Variants in NKAIN4 observed in about 807,000 individuals in gnomAD.
NKAIN4 encodes sodium/potassium-transporting ATPase subunit beta-1-interacting protein 4.
A neutral mutation model predicts 28.8 loss-of-function variants in NKAIN4; 28 were observed. The observed-to-expected ratio is 0.97, with a 90% CI of 0.72 to 1.33. NKAIN4 has a LOEUF of 1.33. Ranked by LOEUF, NKAIN4 falls within the 40% of genes most tolerant of loss-of-function variation. The pLI is 0.00. For synonymous variants in NKAIN4, 122 were observed against 115.6 expected, an observed-to-expected ratio of 1.06 and a Z score of -0.36; for missense variants, 289 against 277.2, an observed-to-expected ratio of 1.04 and a Z score of -0.30.
intron 1 of NKAIN4, 162 bp downstream of exon 1, chr20:63,254,235 C>T: frequency 1.8e-6 from 1 of 549,458 alleles, no homozygotes; most frequent in Non-Finnish European, 2.8e-6. Flanking sequence ...CAGGCGACGC[C>T]ACCTTCGGCC....
chr20:63,248,926 G>T, intron 2 of NKAIN4, 31 bp from the exon 3 acceptor site: 1 of 1,476,462 alleles, frequency 6.8e-7, no homozygotes, highest in Non-Finnish European at 9.5e-7. Flanking sequence ...GGCGGCAGCT[G>T]AACACAGCTC....
intron 3 of NKAIN4, 90 bp from the exon 4 acceptor site, chr20:63,247,865 G>T: frequency 2.9e-6 from 4 of 1,391,782 alleles, no homozygotes; most frequent in Non-Finnish European, 3.7e-6. Flanking sequence ...ACCACACCGA[G>T]GCAAGGGGAG....
intron 6 of NKAIN4, 64 bp downstream of exon 6, chr20:63,242,475 C>T: frequency 8.6e-7 from 1 of 1,162,888 alleles, no homozygotes; most frequent in Non-Finnish European, 1.3e-6. Context: ...GGAAGGCAGC[C>T]TCTCGCTGTG....
chr20:63,241,553 A>G (rs1047826), intron 6 of NKAIN4, 47 bp from the exon 7 acceptor site: 984,313 of 1,538,232 alleles, frequency 0.64, 317,550 homozygotes, highest in East Asian at 0.87. Context: ...GGGCTGGGGC[A>G]GCCACTGGGG....
chr20:63,250,749 G>A (rs1204719713), intron 1 of NKAIN4, among the ~76,000 whole-genome samples: 1 of 152,158 alleles, frequency 6.6e-6, no homozygotes, highest in African/African-American at 2.4e-5. Context: ...ATATTTAGGA[G>A]ACCAAGAAAA....
intron 1 of NKAIN4, among the ~76,000 whole-genome samples, chr20:63,250,926 A>G (rs1385479519): frequency 2.8e-5 from 1 of 36,360 alleles, no homozygotes; most frequent in Non-Finnish European, 5.2e-5. Flanking sequence ...CACCCCAGCC[A>G]CTCCATCCCC....
chr20:63,250,097 AG>A, intron 1 of NKAIN4, 25 bp from the exon 2 acceptor site: 1 of 1,545,412 alleles, frequency 6.5e-7, no homozygotes, highest in South Asian at 1.2e-5. Context: ...GGCGCCATGA[AG>A]GGTGGACCCG....
chr20:63,253,861 G>T, intron 1 of NKAIN4: 1 of 152,966 alleles, frequency 6.5e-6, no homozygotes, highest in South Asian at 2.0e-4. Flanking sequence ...GGGCGGGGCC[G>T]GTTTGCTCGC....
At chr20:63,243,672 C>T (rs753463443) in intron 5 of NKAIN4, among the ~76,000 whole-genome samples, 3 of 152,180 alleles carry the variant, frequency 2.0e-5, no homozygotes, top group Admixed American at 6.5e-5. Flanking sequence ...GCCATGGGCC[C>T]GGTTCCGATC....
At chr20:63,242,671 A>C in intron 5 of NKAIN4, 48 bp from the exon 6 acceptor site, 3 of 1,461,638 alleles carry the variant, frequency 2.1e-6, no homozygotes, top group Non-Finnish European at 2.9e-6. Flanking sequence ...ACAATGGAAA[A>C]GATGTCAGAG....
rs1163867027 is a variant in NKAIN4, at chr20:63,249,952, G to A, written c.175C>T (p.Leu59=). The part of the protein sequence containing the change: ...LGLFGTIQYR[L]RYVMVYTLWA... ...GGACTCACCACCATGACATAGCGCA[G>A]CCGGTACTGGATGGTGCCGAAGAGT... The change falls in exon 2 of 7, where the codon CTG becomes TTG. Residue 59 remains leucine, a synonymous_variant. Coordinates refer to ENST00000370316, the MANE Select transcript of NKAIN4 (RefSeq NM_152864.4). 1.2e-6 allele frequency: 2 copies of A among 1,613,370 alleles called. No homozygotes were observed. Among genetic ancestry groups the A allele is most frequent in the African/African-American group, 2.7e-5 (2 of 74,924 alleles).
intron 4 of NKAIN4, chr20:63,244,618 T>G: frequency 2.2e-6 from 1 of 455,970 alleles, no homozygotes; most frequent in Non-Finnish European, 4.5e-6. Context: ...CCGGGCAGAG[T>G]TGGGGGCTGG....
chr20:63,243,027 C>G (rs1452706443), intron 5 of NKAIN4, among the ~76,000 whole-genome samples: 2 of 152,352 alleles, frequency 1.3e-5, no homozygotes, highest in East Asian at 1.9e-4. Context: ...TCCCGCCGCC[C>G]TCCGTCATGT....
chr20:63,248,939 G>A (rs762629316), intron 2 of NKAIN4, 44 bp from the exon 3 acceptor site: 50 of 1,330,590 alleles, frequency 3.8e-5, no homozygotes, highest in Non-Finnish European at 4.6e-5. Context: ...CACAGCTCCC[G>A]GGCACACCTG....
rs552254427 is a variant in NKAIN4 at position 63,245,744 on chromosome 20, C to T, written c.472-1660G>A. 1.3e-5 allele frequency among the ~76,000 whole-genome samples: 2 copies of T among 152,258 alleles called. No homozygotes were observed. The highest frequency in any genetic ancestry group is 6.5e-5 in the Admixed American group (1 of 15,294). Reference sequence around the variant, plus strand: ...GCAAACAGCAGGGGCGAGATCCTAGCGAGGACTAGCTGGCTGGAATTTAGA... The same window carrying T: ...GCAAACAGCAGGGGCGAGATCCTAGTGAGGACTAGCTGGCTGGAATTTAGA... On this transcript the variant is annotated intron_variant, in intron 4 of 6. Coordinates refer to ENST00000370316, the MANE Select transcript of NKAIN4 (RefSeq NM_152864.4). The surrounding 1 kb of genome is among the most constrained non-coding windows in gnomAD (Gnocchi z 4.7).
In NKAIN4 at chr20:63,247,300, C is replaced by T. The variant is rs1329909155; in HGVS notation, c.471+278G>A. The T allele has an allele frequency of 4.3e-6, 6 of 1,385,304 alleles. No homozygotes were observed. In the East Asian group the frequency reaches 1.4e-4, roughly 33 times the overall value. The allele number at this position is 1,385,304 out of a possible 1,614,324, so 85.8% of individuals were successfully genotyped here. Reference sequence around the variant, plus strand: ...GGGGTGTCTCGGCCTGATCCGATTCCTTCCCACTCCCCACAGCAAACACCA... The same window carrying T: ...GGGGTGTCTCGGCCTGATCCGATTCTTTCCCACTCCCCACAGCAAACACCA... On this transcript the variant is annotated intron_variant, in intron 4 of 6. Coordinates refer to ENST00000370316, the MANE Select transcript of NKAIN4 (RefSeq NM_152864.4).
intron 1 of NKAIN4, among the ~76,000 whole-genome samples, chr20:63,250,971 G>C (rs986264689): frequency 7.6e-6 from 1 of 131,522 alleles, no homozygotes; most frequent in East Asian, 2.7e-4. Context: ...ACCTGGGCCC[G>C]GGGGACCACT....
rs1156439329 is a variant in NKAIN4 at position 63,254,440 on chromosome 20, C to A, written c.11G>T (p.Cys4Phe). The change falls in exon 1 of 7, where the codon TGC (cysteine) becomes TTC (phenylalanine). Residue 4 changes from cysteine to phenylalanine, a missense_variant. Coordinates refer to ENST00000370316, the MANE Select transcript of NKAIN4 (RefSeq NM_152864.4). MGSCSGRCALVVLC... is the reference protein window; with the variant it reads MGSFSGRCALVVLC... ...GACGACGAGCGCGCAGCGGCCGGAG[C>A]AGGAGCCCATGGTGCCCGCCTATAC... 2 of 1,414,160 alleles carry A rather than the reference C, an allele frequency of 1.4e-6. No individual in the cohort carries two copies. Among genetic ancestry groups the A allele is most frequent in the Non-Finnish European group, 1.8e-6 (2 of 1,083,310 alleles). The allele number at this position is 1,414,160 out of a possible 1,614,324, so 87.6% of individuals were successfully genotyped here.
Position 63,250,176 on chromosome 20 carries a change from C to T in NKAIN4, c.55-104G>A, listed in dbSNP as rs45567733. 1.7e-3 allele frequency: 2,134 copies of T among 1,268,368 alleles called. 32 individuals are homozygous for T. The South Asian group carries it at 0.022, about 13-fold the overall frequency. The allele number at this position is 1,268,368 out of a possible 1,614,324, so 78.6% of individuals were successfully genotyped here. On this transcript the variant is annotated intron_variant, in intron 1 of 6. Transcript: ENST00000370316. ...ACAGGATCTCAGCAGGGACTTCCTC[C>T]CCACACCCGCCCACCACACCTTTGT...
Sources: gnomAD v4.1 joint callset for allele counts (sites outside exome capture counted in the v4.1 genomes callset) on GRCh38, gnomAD v4.1.1 for gene constraint, Gnocchi (gnomAD v3.1) non-coding constraint, MANE v1.5 for transcripts, NCBI Gene and HGNC (gene_info 2026-07-23, HGNC 2026-07-21) for gene names.